The following APOL4 variants were observed in gnomAD, a reference collection of about 807,000 sequenced individuals.
APOL4 encodes the protein apolipoprotein L4, also known as apolipoprotein L, 4.
APOL4 carries 14 observed loss-of-function variants against 12.1 expected under a neutral mutation model. The observed-to-expected ratio is 1.16, with a 90% CI of 0.76 to 1.81. APOL4 has a LOEUF of 1.81. Ranked by LOEUF, APOL4 falls within the 40% of genes most tolerant of loss-of-function variation. APOL4 has a pLI of 0.00. For synonymous variants in APOL4, 171 were observed against 160.6 expected, an observed-to-expected ratio of 1.06 and a Z score of -0.49; for missense variants, 432 against 423.1, an observed-to-expected ratio of 1.02 and a Z score of -0.18.
chr22:36,190,877 T>A lies in APOL4; in HGVS notation c.*198A>T, dbSNP rs187572798. On this transcript the variant is annotated 3_prime_UTR_variant, in exon 4 of 4. Coordinates refer to ENST00000683024, the MANE Select transcript of APOL4 (RefSeq NM_001386885.1). ...GCATAAGAAATCACAAGGGTATTGA[T>A]TGGGGAAGTGATCAGTGTCCATGAA... 12 of 582,322 alleles carry A rather than the reference T, an allele frequency of 2.1e-5. No individual in the cohort carries two copies. Among genetic ancestry groups the A allele is most frequent in the Non-Finnish European group, 3.0e-5 (10 of 331,278 alleles). 36.1% of individuals were successfully genotyped at this position (582,322 alleles called of 1,614,324 possible).
In APOL4 at chr22:36,190,469, T is replaced by C. The variant is rs976093845; in HGVS notation, c.*606A>G. On this transcript the variant is annotated 3_prime_UTR_variant, in exon 4 of 4. Transcript: ENST00000683024. ...TGGGAGCGCTATGGGAGACTGGGGTTTATTTCATCCCTACAGTCTCGACCA... is the reference window on the plus strand; with the variant it reads ...TGGGAGCGCTATGGGAGACTGGGGTCTATTTCATCCCTACAGTCTCGACCA... The C allele has an allele frequency of 1.3e-5, 2 of 152,552 alleles. No individual in the cohort carries two copies. The highest frequency in any genetic ancestry group is 4.8e-5 in the African/African-American group (2 of 41,438). The allele number at this position is 152,552 out of a possible 1,614,324, so 9.4% of individuals were successfully genotyped here. A position where few individuals can be genotyped will look rare whatever the true frequency, so the allele number is the denominator to read the frequency against.
intron 2 of APOL4, chr22:36,197,550 A>T: frequency 7.1e-7 from 1 of 1,401,044 alleles, no homozygotes; most frequent in African/African-American, 1.5e-5. Context: ...TCCCGGGCAA[A>T]CAAAACCAAC....
chr22:36,195,511 T>G, intron 2 of APOL4, 74 bp from the exon 3 acceptor site: 1 of 1,529,654 alleles, frequency 6.5e-7, no homozygotes, highest in Non-Finnish European at 8.8e-7. Flanking sequence ...ATAAGGTGGT[T>G]CGGTGTTAAT....
chr22:36,198,497 G>C (rs1457232913), intron 2 of APOL4, among the ~76,000 whole-genome samples: 1 of 152,188 alleles, frequency 6.6e-6, no homozygotes, highest in Non-Finnish European at 1.5e-5. Flanking sequence ...TCTTTGACAA[G>C]GGGTACTTTC....
intron 3 of APOL4, chr22:36,195,031 A>G (rs2014363372): frequency 3.2e-6 from 1 of 314,270 alleles, no homozygotes; most frequent in Non-Finnish European, 5.9e-6. Context: ...GGATGAAGAA[A>G]GGAAAGCAGA....
chr22:36,197,914 CTCAA>C, intron 2 of APOL4: 5 of 1,454,384 alleles, frequency 3.4e-6, no homozygotes, highest in Non-Finnish European at 4.5e-6. Context: ...TCACCCCAGA[CTCAA>C]TCATACCCTC....
chr22:36,195,772 TCTCTCACACA>T (rs199629524), intron 2 of APOL4, among the ~76,000 whole-genome samples: 41,800 of 139,852 alleles, frequency 0.3, 7,233 homozygotes, highest in East Asian at 0.67. Context: ...TCTCTCTCTC[TCTCTCACACA>T]CACACACACA....
intron 2 of APOL4, 61 bp downstream of exon 2, chr22:36,199,269 T>C: frequency 1.2e-6 from 2 of 1,603,572 alleles, no homozygotes; most frequent in East Asian, 4.5e-5. Flanking sequence ...TAGCTGTGGG[T>C]AGGAACCAGC....
At position 36,197,499 on chromosome 22, in the gene APOL4, A is replaced by C. The variant is rs2014445350; in HGVS notation, c.82+1831T>G. 6.3e-6 allele frequency: 8 copies of C among 1,276,874 alleles called. No individual in the cohort carries two copies. The East Asian group carries it at 2.0e-4, about 32-fold the overall frequency. The allele number at this position is 1,276,874 out of a possible 1,614,324, so 79.1% of individuals were successfully genotyped here. On this transcript the variant is annotated intron_variant, in intron 2 of 3. Coordinates refer to ENST00000683024, the MANE Select transcript of APOL4 (RefSeq NM_001386885.1). ...TTTATTGATGGGGTGGGGATGGTGA[A>C]TATTAAAGCAAAATTAAAATAAAAA... is the stretch of plus-strand genomic sequence containing the variant.
Position 36,191,747 on chromosome 22 carries a change from G to T in APOL4, c.375C>A (p.Val125=). The change falls in exon 4 of 4, where the codon GTC becomes GTA. Residue 125 remains valine, a synonymous_variant. Coordinates refer to ENST00000683024, the MANE Select transcript of APOL4 (RefSeq NM_001386885.1). The stretch of plus-strand genomic sequence containing the variant: ...GGACCTTTTCAATCTCATTTGCAAT[G>T]ACACGAAGCCTTTCTATGGACTCCT... ...KIQESIERLR[V]IANEIEKVHR... The T allele has an allele frequency of 1.9e-6, 3 of 1,614,036 alleles. No individual in the cohort carries two copies. Among genetic ancestry groups the T allele is most frequent in the Non-Finnish European group, 2.5e-6 (3 of 1,179,898 alleles).
chr22:36,200,998 G>T (rs1315809509), intron 1 of APOL4, among the ~76,000 whole-genome samples: 2 of 152,200 alleles, frequency 1.3e-5, no homozygotes, highest in Non-Finnish European at 2.9e-5. Context: ...GGGTACAACT[G>T]AGGGTATAAG....
chr22:36,198,231 G>A (rs148470569), intron 2 of APOL4, among the ~76,000 whole-genome samples: 15 of 152,248 alleles, frequency 9.9e-5, no homozygotes, highest in African/African-American at 2.6e-4. Context: ...GCTAAGGTCC[G>A]GTCTCACCTG....
At chr22:36,197,038 C>T (rs927972714) in intron 2 of APOL4, among the ~76,000 whole-genome samples, 6 of 152,164 alleles carry the variant, frequency 3.9e-5, no homozygotes, top group African/African-American at 1.2e-4. Flanking sequence ...GCCTCTGTCC[C>T]CTGCAGGCTG....
At chr22:36,198,684 G>A (rs1262332486) in intron 2 of APOL4, among the ~76,000 whole-genome samples, 1 of 152,188 alleles carries the variant, frequency 6.6e-6, no homozygotes, top group Non-Finnish European at 1.5e-5. Flanking sequence ...GCTGGCCCAG[G>A]TACCCATGTA....
intron 2 of APOL4, chr22:36,197,767 T>C (rs1464681003): frequency 1.3e-6 from 2 of 1,550,214 alleles, no homozygotes; most frequent in Non-Finnish European, 1.7e-6. Flanking sequence ...GTTCACATAA[T>C]GGACACAGAA....
chr22:36,195,539 C>T lies in APOL4; in HGVS notation c.83-102G>A, dbSNP rs2014379744. Reference sequence around the variant, plus strand: ...GTGTTAATCCTCCTGAACCAGCTGTCACATGGGGTATTTTTGATGGAGGCA... The same window carrying T: ...GTGTTAATCCTCCTGAACCAGCTGTTACATGGGGTATTTTTGATGGAGGCA... On this transcript the variant is annotated intron_variant, in intron 2 of 3. Coordinates refer to ENST00000683024, the MANE Select transcript of APOL4 (RefSeq NM_001386885.1). 3.7e-6 allele frequency: 5 copies of T among 1,361,338 alleles called. 1 individual carries two copies. The South Asian group carries it at 6.8e-5, about 19-fold the overall frequency. The allele number at this position is 1,361,338 out of a possible 1,614,324, so 84.3% of individuals were successfully genotyped here.
At position 36,195,324 on chromosome 22, in the gene APOL4, C is replaced by G; in HGVS notation, c.196G>C (p.Ala66Pro). ...CATGGAGGTTACCTGGGCAATTCAG[C>G]CACACGCACAAATCTCTTCCAGGCT... The part of the protein sequence containing the change: ...DEAWKRFVRV[A>P]ELPREEADAL... Residue 66 changes from alanine (A) to proline (P), a missense_variant, in exon 3 of 4, where the codon GCT becomes CCT. Ala to Pro is a conservative substitution (Grantham distance 27, BLOSUM62 -1). Coordinates refer to ENST00000683024, the MANE Select transcript of APOL4 (RefSeq NM_001386885.1). The G allele has an allele frequency of 3.1e-6, 5 of 1,613,824 alleles. No individual in the cohort carries two copies. The highest frequency in any genetic ancestry group is 4.2e-6 in the Non-Finnish European group (5 of 1,179,800).
chr22:36,190,486 T>C lies in APOL4; in HGVS notation c.*589A>G, dbSNP rs1050678368. 2 of 153,944 alleles carry C rather than the reference T, an allele frequency of 1.3e-5. No homozygotes were observed. The highest frequency in any genetic ancestry group is 4.8e-5 in the African/African-American group (2 of 41,416). The allele number at this position is 153,944 out of a possible 1,614,324, so 9.5% of individuals were successfully genotyped here. A position where few individuals can be genotyped will look rare whatever the true frequency, so the allele number is the denominator to read the frequency against. On this transcript the variant is annotated 3_prime_UTR_variant, in exon 4 of 4. Coordinates refer to ENST00000683024, the MANE Select transcript of APOL4 (RefSeq NM_001386885.1). ...ACTGGGGTTTATTTCATCCCTACAG[T>C]CTCGACCATAGAAGATGGCCACACC...
rs748518572 is a variant in APOL4, at chr22:36,195,368, A to AT, written c.151dup (p.Ile51AsnfsTer5). ...CCAGGCTTCATCGCTAGTCAGCAGG[A>AT]TTTTCAGATGCACTGGGCTAACTTT... On this transcript the variant is annotated frameshift_variant, in exon 3 of 4. Transcript: ENST00000683024. LOFTEE classifies it high-confidence loss of function. The AT allele has an allele frequency of 6.2e-7, 1 of 1,613,840 alleles. No homozygotes were observed. Among genetic ancestry groups the AT allele is most frequent in the Non-Finnish European group, 8.5e-7 (1 of 1,179,882 alleles).
Sources: gnomAD v4.1 joint callset for allele counts (sites outside exome capture counted in the v4.1 genomes callset) on GRCh38, gnomAD v4.1.1 for gene constraint, MANE v1.5 for transcripts, NCBI Gene and HGNC (gene_info 2026-07-23, HGNC 2026-07-21) for gene names.